TIAM1: variants seen among roughly 807,000 people sequenced by gnomAD.
TIAM1 encodes the protein rho guanine nucleotide exchange factor TIAM1.
A neutral mutation model predicts 163.5 loss-of-function variants in TIAM1; 65 were observed. The observed-to-expected ratio is 0.40, with a 90% confidence interval of 0.33 to 0.49. The LOEUF (loss-of-function observed/expected upper bound fraction) is 0.49, where lower values mean the gene tolerates loss of function less well. Among genes scored for constraint, TIAM1 ranks in the 20% least tolerant of loss-of-function variants. The probability of loss-of-function intolerance (pLI) is 0.77; values close to 1 mark genes in which losing one functional copy is unlikely to be tolerated. For synonymous variants in TIAM1, 833 were observed against 810.1 expected, an observed-to-expected ratio of 1.03 and a Z score of -0.48; for missense variants, 1,789 against 2,044.7, an observed-to-expected ratio of 0.87 and a Z score of 2.41.
chr21:31,528,357 A>G (rs879765699), intron 1 of TIAM1, among the ~76,000 whole-genome samples: 1 of 152,032 alleles, frequency 6.6e-6, no homozygotes, highest in Non-Finnish European at 1.5e-5. Context: ...TCTACAAAAA[A>G]TTTGAAAATT....
At chr21:31,392,822 CTT>C (rs1471228935) in intron 2 of TIAM1, among the ~76,000 whole-genome samples, 4 of 152,100 alleles carry the variant, frequency 2.6e-5, no homozygotes, top group African/African-American at 7.2e-5. Context: ...TACTCTCTCT[CTT>C]GTTCCCTTTC....
intron 2 of TIAM1, among the ~76,000 whole-genome samples, chr21:31,434,554 G>A (rs1483967171): frequency 1.3e-5 from 2 of 152,168 alleles, no homozygotes; most frequent in Non-Finnish European, 2.9e-5. Context: ...GTTAAGAGCT[G>A]GAAAGATCTC....
chr21:31,393,199 G>T (rs550983015), intron 2 of TIAM1, among the ~76,000 whole-genome samples: 1 of 152,042 alleles, frequency 6.6e-6, no homozygotes, highest in Admixed American at 6.6e-5. Context: ...CAAGTGATCC[G>T]CCCACTTTGG....
At chr21:31,148,790 G>A (rs1191988467) in intron 19 of TIAM1, among the ~76,000 whole-genome samples, 1 of 152,138 alleles carries the variant, frequency 6.6e-6, no homozygotes, top group Non-Finnish European at 1.5e-5. Flanking sequence ...CAATGTTTCT[G>A]TTCTGTAGGA....
intron 5 of TIAM1, among the ~76,000 whole-genome samples, chr21:31,249,395 C>T (rs1044348957): frequency 2.6e-5 from 4 of 152,130 alleles, no homozygotes. Context: ...CTGTTATTTC[C>T]ACCATCCAGT....
At chr21:31,267,516 A>AT (rs34794925) in intron 3 of TIAM1, among the ~76,000 whole-genome samples, 47,286 of 137,826 alleles carry the variant, frequency 0.34, 8,187 homozygotes, top group African/African-American at 0.42. Flanking sequence ...TCGTTTTTTC[A>AT]TTTTTTTTTT....
At chr21:31,507,179 ATTTTTTTTTTTTTTTTTTTTTTTTTTT>A (rs572356384) in intron 1 of TIAM1, among the ~76,000 whole-genome samples, 14 of 44,540 alleles carry the variant, frequency 3.1e-4, no homozygotes, top group Admixed American at 9.8e-4. Flanking sequence ...CACCTTTTTA[ATTTTTTTTTTTTTTTTTTTTTTTTTTT>A]TTTTTTTTTT....
intron 1 of TIAM1, among the ~76,000 whole-genome samples, chr21:31,489,175 G>C (rs561675479): frequency 6.6e-6 from 1 of 151,140 alleles, no homozygotes; most frequent in South Asian, 2.1e-4. Flanking sequence ...TTTGAGAACA[G>C]CCTGGGCAAC....
Position 31,487,553 on chromosome 21 carries a change from TA to T in TIAM1, c.-421-23519del, listed in dbSNP as rs567119665. Among the ~76,000 whole-genome samples, 14 of 69,824 alleles carry T rather than the reference TA, an allele frequency of 2.0e-4. 1 individual carries two copies. Among genetic ancestry groups the T allele is most frequent in the Admixed American group, 4.5e-4 (3 of 6,708 alleles). The allele number at this position is 69,824 out of a possible 152,430, so 45.8% of individuals were successfully genotyped here. ...GCCCAGCTAATTTTTTTTTTTTTTG[TA>T]TTTTTTTTTTTTTTGAGACGGAGTC... On this transcript the variant is annotated intron_variant, in intron 1 of 28. Transcript: ENST00000286827.
chr21:31,297,808 T>C (rs1347140349), intron 2 of TIAM1, among the ~76,000 whole-genome samples: 1 of 152,156 alleles, frequency 6.6e-6, no homozygotes, highest in Non-Finnish European at 1.5e-5. Flanking sequence ...TTAAGTGCCA[T>C]ACGATGAACT....
At chr21:31,484,024 T>C (rs550525925) in intron 1 of TIAM1, among the ~76,000 whole-genome samples, 2 of 152,268 alleles carry the variant, frequency 1.3e-5, no homozygotes, top group Admixed American at 1.3e-4. Context: ...TCCTCATGTA[T>C]GGGATTAGTG....
chr21:31,544,786 G>A (rs1231090217), intron 1 of TIAM1, among the ~76,000 whole-genome samples: 2 of 152,278 alleles, frequency 1.3e-5, no homozygotes, highest in East Asian at 3.9e-4. Context: ...GGCCGAGGCA[G>A]GTGGATCACA....
intron 2 of TIAM1, among the ~76,000 whole-genome samples, chr21:31,304,490 G>T (rs1241980807): frequency 6.6e-6 from 1 of 152,024 alleles, no homozygotes; most frequent in Non-Finnish European, 1.5e-5. Flanking sequence ...CAAAATTAGG[G>T]GCCCAGTTCA....
intron 19 of TIAM1, among the ~76,000 whole-genome samples, chr21:31,152,189 T>C (rs2083409935): frequency 6.6e-6 from 1 of 152,114 alleles, no homozygotes; most frequent in Non-Finnish European, 1.5e-5. Context: ...CCCACCACCA[T>C]GCCCAGCTAA....
chr21:31,210,645 GAA>G lies in TIAM1; in HGVS notation c.2218-432_2218-431del, dbSNP rs199913805. ...AGAAAGAAAGAAAGAAAGAAAGAAA[GAA>G]AGAAAGAAAGAAAGAAAGAAAAAGA... On this transcript the variant is annotated intron_variant, in intron 10 of 27. Transcript: ENST00000541036. Among the ~76,000 whole-genome samples the G allele has an allele frequency of 6.6e-4, 20 of 30,530 alleles. 2 individuals are homozygous for G. The highest frequency in any genetic ancestry group is 2.5e-3 in the African/African-American group (19 of 7,478). 20.0% of individuals were successfully genotyped at this position (30,530 alleles called of 152,430 possible). A position where few individuals can be genotyped will look rare whatever the true frequency, so the allele number is the denominator to read the frequency against.
chr21:31,388,222 C>T (rs1373714216), intron 2 of TIAM1, among the ~76,000 whole-genome samples: 9 of 73,928 alleles, frequency 1.2e-4, no homozygotes, highest in Non-Finnish European at 2.2e-4. Context: ...AACACACACA[C>T]ACACACACAC....
At chr21:31,404,440 C>T (rs2077214260) in intron 2 of TIAM1, among the ~76,000 whole-genome samples, 1 of 151,810 alleles carries the variant, frequency 6.6e-6, no homozygotes. Flanking sequence ...GAGGTTCTGT[C>T]CCTCATCAAA....
intron 10 of TIAM1, chr21:31,212,606 CTTTTTTTTTTTTT>C (rs35838120): frequency 2.0e-4 from 19 of 93,742 alleles, no homozygotes; most frequent in African/African-American, 6.9e-4. Flanking sequence ...GCCTGTGAAT[CTTTTTTTTTTTTT>C]TTTTTTTTTT....
chr21:31,483,890 TG>T (rs1392412568), intron 1 of TIAM1, among the ~76,000 whole-genome samples: 2 of 152,116 alleles, frequency 1.3e-5, no homozygotes, highest in African/African-American at 4.8e-5. Context: ...TGGTCATTGC[TG>T]GAAAAGGAGT....
Sources: allele counts gnomAD v4.1 joint callset (sites outside exome capture counted in the v4.1 genomes callset), GRCh38; gene constraint gnomAD v4.1.1; transcripts MANE v1.5; gene names NCBI Gene and HGNC (gene_info 2026-07-23, HGNC 2026-07-21).